CFHR4: variants seen among roughly 807,000 people sequenced by gnomAD.
The protein encoded by CFHR4 is complement factor H-related protein 4.
CFHR4 carries 64 observed loss-of-function variants against 69.3 expected under a neutral mutation model. The ratio of observed to expected loss-of-function variants is 0.92; its 90% CI spans 0.76 to 1.14. The LOEUF (loss-of-function observed/expected upper bound fraction) is 1.14, where lower values mean the gene tolerates loss of function less well. Ranked by LOEUF, CFHR4 falls within the 50% of genes most tolerant of loss-of-function variation. The pLI is 0.00. For missense variants in CFHR4, 636 were observed against 684.9 expected, an observed-to-expected ratio of 0.93 and a Z score of 0.80; for synonymous variants, 244 against 237.0, an observed-to-expected ratio of 1.03 and a Z score of -0.27.
rs1657955799 is a variant in CFHR4 at position 196,907,121 on chromosome 1, A to T, written c.616+84A>T. 2.9e-5 allele frequency: 35 copies of T among 1,202,772 alleles called. 1 individual carries two copies. The highest frequency in any genetic ancestry group is 4.4e-5 in the Admixed American group (2 of 45,262). The allele number at this position is 1,202,772 out of a possible 1,614,324, so 74.5% of individuals were successfully genotyped here. On this transcript the variant is annotated intron_variant, in intron 4 of 9. Coordinates refer to ENST00000608469, the MANE Select transcript of CFHR4 (RefSeq NM_001201550.3). ...ATGTATATGTACACATATGTGTATG[A>T]ATACATATGTGTACATATACATGTA...
intron 1 of CFHR4, among the ~76,000 whole-genome samples, chr1:196,890,928 A>G (rs1656993954): frequency 6.6e-6 from 1 of 151,620 alleles, no homozygotes; most frequent in South Asian, 2.1e-4. Flanking sequence ...AAACTATGAA[A>G]ACCTCACTTC....
chr1:196,894,607 T>C lies in CFHR4; in HGVS notation c.58+6399T>C, dbSNP rs1187087915. 1.3e-5 allele frequency among the ~76,000 whole-genome samples: 2 copies of C among 151,474 alleles called. 1 individual carries two copies. Among genetic ancestry groups the C allele is most frequent in the African/African-American group, 4.9e-5 (2 of 41,006 alleles). On this transcript the variant is annotated intron_variant, in intron 1 of 9. Coordinates refer to ENST00000608469, the MANE Select transcript of CFHR4 (RefSeq NM_001201550.3). ...TCTTAGTTGAAAGACGTTTTTTTTCTTTTAGCGTTTTGAACATATTGGCCC... is the reference window on the plus strand; with the variant it reads ...TCTTAGTTGAAAGACGTTTTTTTTCCTTTAGCGTTTTGAACATATTGGCCC...
chr1:196,889,975 A>G (rs1241794454), intron 1 of CFHR4, among the ~76,000 whole-genome samples: 1 of 151,482 alleles, frequency 6.6e-6, no homozygotes, highest in Non-Finnish European at 1.5e-5. Flanking sequence ...GCCACATCTC[A>G]AAGTATTAGC....
chr1:196,909,855 AT>A (rs1658142136), intron 5 of CFHR4, among the ~76,000 whole-genome samples: 1 of 151,268 alleles, frequency 6.6e-6, no homozygotes. Flanking sequence ...TTAAAAAAAA[AT>A]CTAAAAGAAA....
chr1:196,894,625 A>G (rs953914049), intron 1 of CFHR4, among the ~76,000 whole-genome samples: 5 of 151,436 alleles, frequency 3.3e-5, no homozygotes, highest in Admixed American at 1.3e-4. Flanking sequence ...TTTTGAACAT[A>G]TTGGCCCAAT....
At chr1:196,895,138 C>T (rs765679701) in intron 1 of CFHR4, among the ~76,000 whole-genome samples, 2 of 151,368 alleles carry the variant, frequency 1.3e-5, no homozygotes, top group East Asian at 3.9e-4. Flanking sequence ...GAGACTGAGG[C>T]AGGAGGATTG....
At chr1:196,905,353 G>A in intron 3 of CFHR4, 63 bp downstream of exon 3, 1 of 1,581,450 alleles carries the variant, frequency 6.3e-7, no homozygotes, top group Non-Finnish European at 8.6e-7. Context: ...TGAGGTGATA[G>A]TGTTTTACAG....
At chr1:196,896,974 G>C (rs988415806) in intron 1 of CFHR4, among the ~76,000 whole-genome samples, 2 of 151,336 alleles carry the variant, frequency 1.3e-5, no homozygotes, top group Non-Finnish European at 2.9e-5. Context: ...GTATAAATAC[G>C]CTGTGTTGGT....
At chr1:196,891,978 T>C (rs2124933555) in intron 1 of CFHR4, among the ~76,000 whole-genome samples, 1 of 151,708 alleles carries the variant, frequency 6.6e-6, no homozygotes, top group African/African-American at 2.4e-5. Flanking sequence ...TTTCTGGAGA[T>C]AATTTGCTAC....
chr1:196,911,231 A>G (rs563019863), intron 6 of CFHR4, among the ~76,000 whole-genome samples: 1 of 151,700 alleles, frequency 6.6e-6, no homozygotes, highest in South Asian at 2.1e-4. Context: ...TCAGTTCCAA[A>G]TGTGTCTGAA....
chr1:196,909,971 G>A (rs1488946389), intron 5 of CFHR4, among the ~76,000 whole-genome samples: 1 of 150,906 alleles, frequency 6.6e-6, no homozygotes, highest in Non-Finnish European at 1.5e-5. Context: ...GACCAATATG[G>A]TAAAACTCTG....
intron 2 of CFHR4, 40 bp downstream of exon 2, chr1:196,902,655 G>C: frequency 7.1e-7 from 1 of 1,402,182 alleles, no homozygotes; most frequent in South Asian, 1.2e-5. Context: ...CATAAAACTT[G>C]AAAAGAGTGA....
At chr1:196,910,187 A>T (rs1658178358) in intron 5 of CFHR4, 94 bp from the exon 6 acceptor site, 1 of 666,674 alleles carries the variant, frequency 1.5e-6, no homozygotes. Flanking sequence ...AAAAAACATT[A>T]TTTGGAAGGT....
chr1:196,918,020 T>C (rs1283806009), intron 9 of CFHR4, among the ~76,000 whole-genome samples, 190 bp from the exon 10 acceptor site: 5 of 151,642 alleles, frequency 3.3e-5, no homozygotes, highest in East Asian at 3.9e-4. Context: ...TGCTGTGACG[T>C]TGGGGAAGTG....
At chr1:196,911,950 C>T (rs999186658) in intron 6 of CFHR4, among the ~76,000 whole-genome samples, 1 of 151,244 alleles carries the variant, frequency 6.6e-6, no homozygotes, top group African/African-American at 2.4e-5. Context: ...AAATATGCAT[C>T]ATCTTTAACA....
chr1:196,905,027 C>T (rs1166047165), intron 2 of CFHR4, 81 bp from the exon 3 acceptor site: 8 of 1,248,582 alleles, frequency 6.4e-6, no homozygotes, highest in Non-Finnish European at 8.7e-6. Context: ...TTTCACCATA[C>T]TGCCATGTTT....
chr1:196,895,611 TC>T (rs772999804), intron 1 of CFHR4, among the ~76,000 whole-genome samples: 2 of 151,536 alleles, frequency 1.3e-5, no homozygotes, highest in African/African-American at 2.4e-5. Context: ...TCTTTTTGTT[TC>T]CTTTTCAGGC....
chr1:196,910,410 C>T lies in CFHR4; in HGVS notation c.929C>T (p.Pro310Leu), dbSNP rs1240564926. Reference sequence around the variant, plus strand: ...TACTGTGACCAAAATTTTGTGACTCCTTCAGGAAGTTACTGGGATTACATT... The same window carrying T: ...TACTGTGACCAAAATTTTGTGACTCTTTCAGGAAGTTACTGGGATTACATT... The part of the protein sequence containing the change: ...SYYCDQNFVT[P>L]SGSYWDYIHC... The change falls in exon 6 of 10, where the codon CCT becomes CTT. Residue 310 changes from proline (P) to leucine (L), a missense_variant. Physicochemically the swap from Pro to Leu is moderately conservative, Grantham distance 98. Transcript: ENST00000608469. 24 of 1,612,740 alleles carry T rather than the reference C, an allele frequency of 1.5e-5. No individual in the cohort carries two copies. Among genetic ancestry groups the T allele is most frequent in the Non-Finnish European group, 1.9e-5 (22 of 1,179,622 alleles).
intron 9 of CFHR4, among the ~76,000 whole-genome samples, chr1:196,917,983 A>G (rs536443526): frequency 6.6e-6 from 1 of 151,750 alleles, no homozygotes; most frequent in South Asian, 2.1e-4. Context: ...GCCAGGGTTC[A>G]CGTTTATCAC....
Sources: allele counts gnomAD v4.1 joint callset (sites outside exome capture counted in the v4.1 genomes callset), GRCh38; gene constraint gnomAD v4.1.1; transcripts MANE v1.5; gene names NCBI Gene and HGNC (gene_info 2026-07-23, HGNC 2026-07-21).